Variants in PEX5L observed in about 807,000 individuals in gnomAD.
The protein encoded by PEX5L is PEX5-related protein.
Under a neutral mutation model 84.0 loss-of-function variants are expected in PEX5L, and 30 were observed. The ratio of observed to expected loss-of-function variants is 0.36; its 90% CI spans 0.27 to 0.48. The LOEUF is 0.48. Among genes scored for constraint, PEX5L ranks in the 20% least tolerant of loss-of-function variants. PEX5L has a pLI of 0.99. For missense variants in PEX5L, 533 were observed against 754.6 expected, an observed-to-expected ratio of 0.71 and a Z score of 3.44; for synonymous variants, 270 against 283.1, an observed-to-expected ratio of 0.95 and a Z score of 0.46.
intron 2 of PEX5L, among the ~76,000 whole-genome samples, chr3:179,909,527 G>A (rs1188343006): frequency 6.6e-6 from 1 of 152,152 alleles, no homozygotes; most frequent in Non-Finnish European, 1.5e-5. Flanking sequence ...GCAGAAGCAA[G>A]ACCAGGATGC....
At chr3:179,826,558 G>A (rs1349812514) in intron 8 of PEX5L, among the ~76,000 whole-genome samples, 1 of 152,154 alleles carries the variant, frequency 6.6e-6, no homozygotes, top group Non-Finnish European at 1.5e-5. Flanking sequence ...GCAGCAAGTA[G>A]GGGCTGGTGA....
chr3:179,881,084 C>T (rs73058699), intron 4 of PEX5L: 16 of 152,450 alleles, frequency 1.0e-4, no homozygotes, highest in African/African-American at 3.6e-4. Context: ...AGGAAAGCCA[C>T]AGAAAGACAA....
At chr3:179,904,641 C>A (rs2109078706) in intron 2 of PEX5L, among the ~76,000 whole-genome samples, 1 of 152,220 alleles carries the variant, frequency 6.6e-6, no homozygotes, top group Non-Finnish European at 1.5e-5. Flanking sequence ...CAAAAATAAT[C>A]CAGACTGTAC....
At chr3:180,033,233 T>C (rs1464485500) in intron 1 of PEX5L, among the ~76,000 whole-genome samples, 1 of 152,354 alleles carries the variant, frequency 6.6e-6, no homozygotes, top group African/African-American at 2.4e-5. Flanking sequence ...ACAATTTTTG[T>C]CATTTAAATT....
intron 8 of PEX5L, among the ~76,000 whole-genome samples, chr3:179,842,373 G>C (rs1577480142): frequency 6.6e-6 from 1 of 152,100 alleles, no homozygotes; most frequent in East Asian, 1.9e-4. Flanking sequence ...AATATACGAA[G>C]AACAAATTTA....
At chr3:179,913,800 G>T (rs1199697408) in intron 2 of PEX5L, among the ~76,000 whole-genome samples, 2 of 152,108 alleles carry the variant, frequency 1.3e-5, no homozygotes, top group African/African-American at 4.8e-5. Context: ...GTGTATTACA[G>T]AATTCATTGT....
intron 9 of PEX5L, among the ~76,000 whole-genome samples, chr3:179,817,439 G>A (rs1726591659): frequency 6.6e-6 from 1 of 152,008 alleles, no homozygotes; most frequent in African/African-American, 2.4e-5. Context: ...TAAAGTTTTT[G>A]TTATCATAAA....
In PEX5L at chr3:179,796,632, GGAGT is replaced by G. The variant is rs1438222673; in HGVS notation, c.*5192_*5195del. On this transcript the variant is annotated 3_prime_UTR_variant, in exon 15 of 15. Transcript: ENST00000467460. ...TGTGTGTGAGGGTACCGGGGTATAT[GGAGT>G]GAGTAACAAAGCTGTTACTAATGTA... The G allele has an allele frequency of 6.6e-6, 1 of 152,098 alleles. No individual in the cohort carries two copies. The highest frequency in any genetic ancestry group is 1.5e-5 in the Non-Finnish European group (1 of 68,024). The allele number at this position is 152,098 out of a possible 1,614,324, so 9.4% of individuals were successfully genotyped here.
chr3:179,803,616 G>A (rs1016578180), intron 14 of PEX5L, among the ~76,000 whole-genome samples: 5 of 152,164 alleles, frequency 3.3e-5, no homozygotes, highest in Non-Finnish European at 7.3e-5. Context: ...TGATCCTTCC[G>A]AAGAATAATC....
intron 8 of PEX5L, among the ~76,000 whole-genome samples, chr3:179,848,508 A>G (rs1217843671): frequency 1.3e-5 from 2 of 149,312 alleles, no homozygotes; most frequent in Non-Finnish European, 3.0e-5. Context: ...AACTGAGATC[A>G]TGCCACTGAA....
chr3:179,871,654 G>A (rs1230557640), intron 7 of PEX5L, among the ~76,000 whole-genome samples: 1 of 152,114 alleles, frequency 6.6e-6, no homozygotes, highest in Non-Finnish European at 1.5e-5. Context: ...ATCAAAGGGG[G>A]GCAATTGTTC....
intron 3 of PEX5L, among the ~76,000 whole-genome samples, chr3:179,890,803 C>T (rs1253283953): frequency 6.6e-6 from 1 of 152,100 alleles, no homozygotes; most frequent in Non-Finnish European, 1.5e-5. Flanking sequence ...TAGATTTCTT[C>T]AGATAGTTTT....
rs1302429373 is a variant in PEX5L, at chr3:179,811,724, CAA to C, written c.1154+75_1154+76del. The stretch of plus-strand genomic sequence containing the variant: ...CTTTACACTGTACTTCAGTAAAGAT[CAA>C]AAGACAAATCTGAAACAGGAAGTTC... On this transcript the variant is annotated intron_variant, in intron 11 of 14. Transcript: ENST00000467460. 4 of 1,094,464 alleles carry C rather than the reference CAA, an allele frequency of 3.7e-6. No individual in the cohort carries two copies. The African/African-American group carries it at 4.6e-5, about 13-fold the overall frequency. The allele number at this position is 1,094,464 out of a possible 1,614,324, so 67.8% of individuals were successfully genotyped here. A position where few individuals can be genotyped will look rare whatever the true frequency, so the allele number is the denominator to read the frequency against.
intron 8 of PEX5L, among the ~76,000 whole-genome samples, chr3:179,832,836 C>A (rs1259948443): frequency 6.6e-6 from 1 of 151,970 alleles, no homozygotes; most frequent in East Asian, 1.9e-4. Flanking sequence ...ACCTACCCTA[C>A]CCACCTACCT....
chr3:179,832,263 GAGAT>G (rs1239051250), intron 8 of PEX5L, among the ~76,000 whole-genome samples: 1 of 151,878 alleles, frequency 6.6e-6, no homozygotes, highest in Non-Finnish European at 1.5e-5. Flanking sequence ...CAGAGAGAGA[GAGAT>G]AGAGAGGGAG....
At chr3:179,988,503 C>T (rs4855135) in intron 1 of PEX5L, among the ~76,000 whole-genome samples, 59,912 of 151,432 alleles carry the variant, frequency 0.4, 12,532 homozygotes, top group African/African-American at 0.55. Flanking sequence ...ACCCAAATAC[C>T]CAGGAGGATT....
At chr3:179,974,612 C>T (rs1476370834) in intron 1 of PEX5L, among the ~76,000 whole-genome samples, 2 of 152,208 alleles carry the variant, frequency 1.3e-5, no homozygotes, top group Non-Finnish European at 2.9e-5. Context: ...ACCCCAAACA[C>T]AGTATCTCCT....
intron 1 of PEX5L, 63 bp downstream of exon 1, chr3:180,036,516 T>C: frequency 2.0e-6 from 3 of 1,509,702 alleles, no homozygotes; most frequent in Non-Finnish European, 2.8e-6. Flanking sequence ...AGAAACTTGG[T>C]GAACCGCCTT....
Position 179,808,308 on chromosome 3 carries a change from T to C in PEX5L, c.1482A>G (p.Ile494Met). The C allele has an allele frequency of 6.2e-7, 1 of 1,603,692 alleles. No individual in the cohort carries two copies. Among genetic ancestry groups the C allele is most frequent in the Admixed American group, 1.7e-5 (1 of 57,662 alleles). ...FHLSGEFNRAIDAFNAALTVR... is the reference protein window; with the variant it reads ...FHLSGEFNRAMDAFNAALTVR... Reference sequence around the variant, plus strand: ...CAGTTAAGGCAGCGTTAAATGCATCTATTGCTCTATTAAATTCTCCACTCA... The same window carrying C: ...CAGTTAAGGCAGCGTTAAATGCATCCATTGCTCTATTAAATTCTCCACTCA... The change falls in exon 13 of 15, where the codon ATA (isoleucine) becomes ATG (methionine). Residue 494 changes from isoleucine to methionine, a missense_variant. Physicochemically the swap from Ile to Met is conservative, Grantham distance 10. Transcript: ENST00000467460.
Sources: allele counts gnomAD v4.1 joint callset (sites outside exome capture counted in the v4.1 genomes callset), GRCh38; gene constraint gnomAD v4.1.1; transcripts MANE v1.5; gene names NCBI Gene and HGNC (gene_info 2026-07-23, HGNC 2026-07-21).